PDCD2: variants seen among roughly 807,000 people sequenced by gnomAD.
The protein encoded by PDCD2 is programmed cell death 2.
PDCD2 carries 38 observed loss-of-function variants against 38.1 expected under a neutral mutation model. That is an observed-to-expected ratio of 1.00 (90% CI 0.77 to 1.31). PDCD2 has a LOEUF of 1.31. Ranked by LOEUF, PDCD2 falls within the 50% of genes most tolerant of loss-of-function variation. The pLI, the probability that PDCD2 is intolerant of heterozygous loss-of-function variation, is 0.00. For missense variants in PDCD2, 473 were observed against 435.7 expected (o/e 1.09, Z -0.76); for synonymous variants, 205 against 168.9 (o/e 1.21, Z -1.66).
chr6:170,581,839 G>A (rs1779609817), intron 3 of PDCD2: 1 of 273,714 alleles, frequency 3.7e-6, no homozygotes, highest in Admixed American at 5.1e-5. Flanking sequence ...CCTATGTTTT[G>A]AAGTCACCTG....
At chr6:170,578,770 T>G in intron 5 of PDCD2, 87 bp downstream of exon 5, 1 of 844,440 alleles carries the variant, frequency 1.2e-6, no homozygotes, top group Non-Finnish European at 2.1e-6. Flanking sequence ...TGTTGACCCA[T>G]GTGCACAAAT....
At position 170,575,960 on chromosome 6, in the gene PDCD2, CATA is replaced by C. The variant is rs1489339752; in HGVS notation, c.*1596_*1598del. 1 of 152,172 alleles carries C rather than the reference CATA, an allele frequency of 6.6e-6. No homozygotes were observed. The highest frequency in any genetic ancestry group is 1.9e-4 in the East Asian group (1 of 5,194). 9.4% of individuals were successfully genotyped at this position (152,172 alleles called of 1,614,324 possible). A position where few individuals can be genotyped will look rare whatever the true frequency, so the allele number is the denominator to read the frequency against. Reference sequence around the variant, plus strand: ...CAGATTCTGCCTATAAGGAATAATACATAATTTTAGATATAAAGGCCCCACTAG... The same window carrying C: ...CAGATTCTGCCTATAAGGAATAATACATTTTAGATATAAAGGCCCCACTAG... On this transcript the variant is annotated 3_prime_UTR_variant, in exon 6 of 6. Transcript: ENST00000541970.
intron 3 of PDCD2, chr6:170,581,124 T>C (rs1038280579): frequency 1.3e-5 from 2 of 152,136 alleles, no homozygotes; most frequent in African/African-American, 4.8e-5. Flanking sequence ...TTTAGAAAAT[T>C]TTGGACATAC....
At position 170,584,471 on chromosome 6, in the gene PDCD2, C is replaced by G. The variant is rs1779748694; in HGVS notation, c.111G>C (p.Trp37Cys). 2 of 1,313,108 alleles carry G rather than the reference C, an allele frequency of 1.5e-6. No homozygotes were observed. The highest frequency in any genetic ancestry group is 1.9e-6 in the Non-Finnish European group (2 of 1,039,370). 81.3% of individuals were successfully genotyped at this position (1,313,108 alleles called of 1,614,324 possible). ...FPSKVGGRPA[W>C]LGAAGLPGPQ... ...GCCCCGGCAGCCCGGCCGCGCCCAG[C>G]CATGCCGGCCGCCCGCCCACCTTGC... The change falls in exon 1 of 6, where the codon TGG (tryptophan) becomes TGC (cysteine). Residue 37 changes from tryptophan to cysteine, a missense_variant. Trp to Cys is a radical substitution (Grantham distance 215). Coordinates refer to ENST00000541970, the MANE Select transcript of PDCD2 (RefSeq NM_002598.4).
chr6:170,578,910 C>T lies in PDCD2; in HGVS notation c.823G>A (p.Glu275Lys). 2 of 1,608,146 alleles carry T rather than the reference C, an allele frequency of 1.2e-6. No homozygotes were observed. The highest frequency in any genetic ancestry group is 1.7e-6 in the Non-Finnish European group (2 of 1,178,252). The part of the protein sequence containing the change: ...IWISGENIPQ[E>K]KDIPDCPCGA... ...CAGGGGCAATCTGGAATATCCTTTT[C>T]TTGAGGAATATTTTCACCAGAAATC... The change falls in exon 5 of 6, where the codon GAA becomes AAA. Residue 275 changes from glutamate (E) to lysine (K), a missense_variant. By Grantham distance (56) the Glu-to-Lys change is moderately conservative (BLOSUM62 1). Transcript: ENST00000541970.
intron 2 of PDCD2, 64 bp downstream of exon 2, chr6:170,583,441 T>C: frequency 6.5e-7 from 1 of 1,538,210 alleles, no homozygotes; most frequent in South Asian, 1.2e-5. Context: ...AAAGTTGTCC[T>C]GGAAATATCT....
chr6:170,583,128 A>G lies in PDCD2; in HGVS notation c.587T>C (p.Ile196Thr). ...AGGCATAATCTCATCTTCTGTTTCTATTACAATTTCAAATTCTGGAAAAAG... is the reference window on the plus strand; with the variant it reads ...AGGCATAATCTCATCTTCTGTTTCTGTTACAATTTCAAATTCTGGAAAAAG... Reference protein sequence around the residue: ...NFLFPEFEIVIETEDEIMPEV... With the variant: ...NFLFPEFEIVTETEDEIMPEV... Residue 196 changes from isoleucine (I) to threonine (T), a missense_variant, in exon 3 of 6, where the codon ATA becomes ACA. By Grantham distance (89) the Ile-to-Thr change is moderately conservative. Transcript: ENST00000541970. The G allele has an allele frequency of 6.2e-7, 1 of 1,613,386 alleles. No individual in the cohort carries two copies. Among genetic ancestry groups the G allele is most frequent in the South Asian group, 1.1e-5 (1 of 91,046 alleles).
At position 170,577,638 on chromosome 6, in the gene PDCD2, G is replaced by C; in HGVS notation, c.956C>G (p.Thr319Ser). 1 of 1,613,992 alleles carries C rather than the reference G, an allele frequency of 6.2e-7. No individual in the cohort carries two copies. Among genetic ancestry groups the C allele is most frequent in the Non-Finnish European group, 8.5e-7 (1 of 1,179,986 alleles). Residue 319 changes from threonine to serine, a missense_variant, in exon 6 of 6, where the codon ACC becomes AGC. Transcript: ENST00000541970. The stretch of plus-strand genomic sequence containing the variant: ...ACCCAAGCTGCAGCTCTCAGCACAG[G>C]TGAAGACAGCCAGGATGCCCCAGTC... ...SIDWGILAVF[T>S]CAESCSLGTG...
chr6:170,583,978 C>T (rs189739025), intron 1 of PDCD2: 2 of 549,934 alleles, frequency 3.6e-6, no homozygotes, highest in South Asian at 2.5e-5. Context: ...TCGTTAAGAA[C>T]GACTGCCAAA....
intron 5 of PDCD2, among the ~76,000 whole-genome samples, chr6:170,578,053 C>G (rs1166380075): frequency 6.6e-6 from 1 of 152,100 alleles, no homozygotes; most frequent in African/African-American, 2.4e-5. Flanking sequence ...ACTCTTGACT[C>G]AAGAAACACT....
intron 1 of PDCD2, 165 bp from the exon 2 acceptor site, chr6:170,583,912 A>G (rs192420404): frequency 4.7e-6 from 3 of 640,916 alleles, no homozygotes; most frequent in Admixed American, 5.9e-5. Flanking sequence ...CGTCCGGTAC[A>G]CGCAACTGAG....
chr6:170,583,569 G>A lies in PDCD2; in HGVS notation c.462C>T (p.Tyr154=), dbSNP rs1161282972. The A allele has an allele frequency of 4.3e-6, 7 of 1,613,710 alleles. No individual in the cohort carries two copies. The highest frequency in any genetic ancestry group is 2.7e-5 in the African/African-American group (2 of 74,912). ...CTAGGGTCTGATGCTCCTTGCTGCA[G>A]TAATATGCTTTGTGGCATCTGGAGC... ...KTCSRCHKAY[Y]CSKEHQTLDW... is the part of the protein sequence containing the mutation. The change falls in exon 2 of 6, where the codon TAC becomes TAT. Residue 154 remains tyrosine, a synonymous_variant. Transcript: ENST00000541970.
rs1583137637 is a variant in PDCD2 at position 170,576,402 on chromosome 6, AGG to A, written c.*1155_*1156del. 6.6e-6 allele frequency: 1 copy of A among 152,234 alleles called. No homozygotes were observed. The highest frequency in any genetic ancestry group is 1.5e-5 in the Non-Finnish European group (1 of 68,038). 9.4% of individuals were successfully genotyped at this position (152,234 alleles called of 1,614,324 possible). The stretch of plus-strand genomic sequence containing the variant: ...GCATTTCAGTTAACAGGGATGTGTT[AGG>A]GGACAATGTGAGCCAATGTAGATTA... On this transcript the variant is annotated 3_prime_UTR_variant, in exon 6 of 6. Coordinates refer to ENST00000541970, the MANE Select transcript of PDCD2 (RefSeq NM_002598.4).
rs1246094999 is a variant in PDCD2 at position 170,578,964 on chromosome 6, T to G, written c.769A>C (p.Arg257=). ...ATGGGGGCAATACCTCTGCCATATC[T>G]AAGAATCTAAAATCAATGAAGATCA... is the stretch of plus-strand genomic sequence containing the variant. The part of the protein sequence containing the change: ...QIALEPEQIL[R]YGRGIAPIWI... Residue 257 remains arginine (R), a synonymous_variant, in exon 5 of 6, where the codon AGA becomes CGA. Transcript: ENST00000541970. The G allele has an allele frequency of 1.9e-6, 3 of 1,557,370 alleles. No individual in the cohort carries two copies. The highest frequency in any genetic ancestry group is 2.6e-6 in the Non-Finnish European group (3 of 1,146,060).
At chr6:170,583,282 C>T (rs1779672708) in intron 2 of PDCD2, 94 bp from the exon 3 acceptor site, 2 of 1,004,570 alleles carry the variant, frequency 2.0e-6, no homozygotes, top group South Asian at 1.6e-5. Context: ...CCCTATAGTT[C>T]TGGCATTTTA....
In PDCD2 at chr6:170,575,929, T is replaced by TA. The variant is rs1285747962; in HGVS notation, c.*1629dup. On this transcript the variant is annotated 3_prime_UTR_variant, in exon 6 of 6. Coordinates refer to ENST00000541970, the MANE Select transcript of PDCD2 (RefSeq NM_002598.4). ...TTAAAAGTCATTAGCAGTCATAACG[T>TA]ACTTACAGATTCTGCCTATAAGGAA... 1 of 152,232 alleles carries TA rather than the reference T, an allele frequency of 6.6e-6. No homozygotes were observed. Among genetic ancestry groups the TA allele is most frequent in the African/African-American group, 2.4e-5 (1 of 41,460 alleles). The allele number at this position is 152,232 out of a possible 1,614,324, so 9.4% of individuals were successfully genotyped here.
At position 170,583,162 on chromosome 6, in the gene PDCD2, G is replaced by C; in HGVS notation, c.553C>G (p.His185Asp). Residue 185 changes from histidine (H) to aspartate (D), a missense_variant, in exon 3 of 6, where the codon CAC (histidine) becomes GAC (aspartate). Physicochemically the swap from His to Asp is moderately conservative, Grantham distance 81. Coordinates refer to ENST00000541970, the MANE Select transcript of PDCD2 (RefSeq NM_002598.4). ...PDHLDHIIPD[H>D]NFLFPEFEIV... ...TCAAATTCTGGAAAAAGGAAGTTGT[G>C]GTCTGGAATTATATGGTCCAGATGA... 1 of 1,611,154 alleles carries C rather than the reference G, an allele frequency of 6.2e-7. No individual in the cohort carries two copies.
rs551395095 is a variant in PDCD2 at position 170,583,679 on chromosome 6, G to C, written c.352C>G (p.Pro118Ala). Residue 118 changes from proline to alanine, a missense_variant, in exon 2 of 6, where the codon CCA becomes GCA. Pro to Ala is a conservative substitution (Grantham distance 27, BLOSUM62 -1). Coordinates refer to ENST00000541970, the MANE Select transcript of PDCD2 (RefSeq NM_002598.4). Reference sequence around the variant, plus strand: ...AGACACACTGATTCTCCTGTTTCTGGGGGAGGATTCTCAGAAGGTGGCTCA... The same window carrying C: ...AGACACACTGATTCTCCTGTTTCTGCGGGAGGATTCTCAGAAGGTGGCTCA... The part of the protein sequence containing the change: ...SYEPPSENPP[P>A]ETGESVCLQL... The C allele has an allele frequency of 1.9e-6, 3 of 1,613,726 alleles. No homozygotes were observed. In the South Asian group the frequency reaches 3.3e-5, roughly 18 times the overall value.
At chr6:170,583,923 T>C (rs17875294) in intron 1 of PDCD2, 176 bp from the exon 2 acceptor site, 29,290 of 623,484 alleles carry the variant, frequency 0.047, 921 homozygotes, top group Middle Eastern at 0.095. Context: ...CGCAACTGAG[T>C]TGCCTCCTAG....
Sources: gnomAD v4.1 joint callset for allele counts (sites outside exome capture counted in the v4.1 genomes callset) on GRCh38, gnomAD v4.1.1 for gene constraint, MANE v1.5 for transcripts, NCBI Gene and HGNC (gene_info 2026-07-23, HGNC 2026-07-21) for gene names.